FSTL5: variants seen among roughly 807,000 people sequenced by gnomAD.
The protein encoded by FSTL5 is follistatin like 5.
FSTL5 carries 62 observed loss-of-function variants against 89.1 expected under a neutral mutation model. The observed-to-expected ratio is 0.70, with a 90% CI of 0.57 to 0.86. The LOEUF (loss-of-function observed/expected upper bound fraction) is 0.86, where lower values mean the gene tolerates loss of function less well. Among genes scored for constraint, FSTL5 ranks in the 40% least tolerant of loss-of-function variants. The probability of loss-of-function intolerance (pLI) is 0.00; values close to 1 mark genes in which losing one functional copy is unlikely to be tolerated. For missense variants in FSTL5, 1,057 were observed against 1,001.6 expected, an observed-to-expected ratio of 1.06 and a Z score of -0.75; for synonymous variants, 383 against 346.2, an observed-to-expected ratio of 1.11 and a Z score of -1.18.
chr4:161,692,219 A>G lies in FSTL5; in HGVS notation c.728-35725T>C, dbSNP rs189476513. ...GTATGATGTTAACTGTGGGATTTTC[A>G]TAAATATTCTTTATCACATTAAGGA... On this transcript the variant is annotated intron_variant, in intron 6 of 15. Coordinates refer to ENST00000306100, the MANE Select transcript of FSTL5 (RefSeq NM_020116.5). 3.3e-3 allele frequency among the ~76,000 whole-genome samples: 498 copies of G among 152,182 alleles called. 5 individuals are homozygous for G. Among genetic ancestry groups the G allele is most frequent in the African/African-American group, 0.011 (456 of 41,558 alleles).
chr4:161,668,455 A>G (rs894057720), intron 6 of FSTL5, among the ~76,000 whole-genome samples: 3 of 152,226 alleles, frequency 2.0e-5, no homozygotes, highest in Admixed American at 2.0e-4. Flanking sequence ...GAGAAATTGT[A>G]TCAATCCCCT....
chr4:161,606,240 A>ATTTTTTTTTT (rs71598720), intron 7 of FSTL5, among the ~76,000 whole-genome samples: 2 of 117,868 alleles, frequency 1.7e-5, no homozygotes, highest in African/African-American at 3.3e-5. Context: ...ATTATCTGTG[A>ATTTTTTTTTT]TTTTTTTTTT....
At chr4:162,008,852 TTTAAA>T (rs1736683828) in intron 3 of FSTL5, among the ~76,000 whole-genome samples, 1 of 152,014 alleles carries the variant, frequency 6.6e-6, no homozygotes, top group Non-Finnish European at 1.5e-5. Flanking sequence ...TTTATGGTAT[TTTAAA>T]TTAAACAGGC....
At chr4:161,789,882 G>C (rs915491733) in intron 4 of FSTL5, among the ~76,000 whole-genome samples, 19 of 152,010 alleles carry the variant, frequency 1.2e-4, no homozygotes, top group African/African-American at 4.3e-4. Flanking sequence ...AAAATGAAAA[G>C]GTAATCCAGA....
chr4:161,833,749 T>A (rs1730931722), intron 4 of FSTL5, among the ~76,000 whole-genome samples: 1 of 151,934 alleles, frequency 6.6e-6, no homozygotes, highest in Non-Finnish European at 1.5e-5. Flanking sequence ...TCTTCCTCCA[T>A]CCTTTTATTT....
chr4:161,578,464 G>T (rs960640224), intron 8 of FSTL5, among the ~76,000 whole-genome samples: 3 of 151,912 alleles, frequency 2.0e-5, no homozygotes, highest in South Asian at 2.1e-4. Flanking sequence ...AAAAGGAAGA[G>T]AATTCAGTGA....
At chr4:161,696,183 C>A (rs757492263) in intron 6 of FSTL5, among the ~76,000 whole-genome samples, 1 of 152,142 alleles carries the variant, frequency 6.6e-6, no homozygotes, top group African/African-American at 2.4e-5. Context: ...TTGTGGCCTG[C>A]CAATTAACTC....
At chr4:161,475,128 G>A (rs899838991) in intron 13 of FSTL5, among the ~76,000 whole-genome samples, 1 of 150,986 alleles carries the variant, frequency 6.6e-6, no homozygotes, top group African/African-American at 2.4e-5. Context: ...ATCTTATTGA[G>A]GATACACAGT....
At chr4:161,629,344 G>C (rs6835445) in intron 7 of FSTL5, among the ~76,000 whole-genome samples, 7 of 151,854 alleles carry the variant, frequency 4.6e-5, no homozygotes, top group African/African-American at 1.7e-4. Flanking sequence ...TAGTAAATTA[G>C]ATAATTTTTT....
At chr4:161,979,811 T>C (rs1023078842) in intron 3 of FSTL5, among the ~76,000 whole-genome samples, 3 of 152,014 alleles carry the variant, frequency 2.0e-5, no homozygotes, top group Non-Finnish European at 4.4e-5. Flanking sequence ...TATATTTTGG[T>C]GGGGATTGGT....
chr4:162,132,883 T>C (rs751346908), intron 1 of FSTL5, among the ~76,000 whole-genome samples: 10 of 152,230 alleles, frequency 6.6e-5, no homozygotes, highest in Non-Finnish European at 1.3e-4. Context: ...TTTTTAGAAG[T>C]CGGACCTTTG....
At chr4:161,539,717 A>C (rs1158293852) in intron 9 of FSTL5, among the ~76,000 whole-genome samples, 1 of 152,152 alleles carries the variant, frequency 6.6e-6, no homozygotes, top group Non-Finnish European at 1.5e-5. Flanking sequence ...CAACAACAAC[A>C]AAAAAGAAAG....
Position 161,778,092 on chromosome 4 carries a change from T to TCACACACA in FSTL5, c.410-2026_410-2019dup, listed in dbSNP as rs71598736. 5.8e-3 allele frequency among the ~76,000 whole-genome samples: 860 copies of TCACACACA among 148,330 alleles called. 5 individuals are homozygous for TCACACACA. Among genetic ancestry groups the TCACACACA allele is most frequent in the African/African-American group, 0.019 (771 of 40,270 alleles). On this transcript the variant is annotated intron_variant, in intron 4 of 15. Transcript: ENST00000306100. ...CTGAATGACAGGGTGAGACTCCGTA[T>TCACACACA]CACACACACACACACACACACACAC...
intron 7 of FSTL5, among the ~76,000 whole-genome samples, chr4:161,606,468 G>A (rs2126630704): frequency 6.6e-6 from 1 of 151,908 alleles, no homozygotes; most frequent in African/African-American, 2.4e-5. Flanking sequence ...CTGACCTCGT[G>A]ATCCGCCCGC....
intron 10 of FSTL5, among the ~76,000 whole-genome samples, chr4:161,523,964 C>T (rs1313595572): frequency 6.6e-6 from 1 of 152,152 alleles, no homozygotes; most frequent in African/African-American, 2.4e-5. Context: ...GAATGGACTT[C>T]CTCCTAAGCC....
intron 4 of FSTL5, among the ~76,000 whole-genome samples, chr4:161,916,077 C>T (rs192740452): frequency 1.4e-4 from 22 of 151,974 alleles, no homozygotes; most frequent in Non-Finnish European, 3.1e-4. Flanking sequence ...ATACAAAAGT[C>T]TGTTCAGATT....
At chr4:161,455,775 G>T (rs1339066660) in intron 14 of FSTL5, among the ~76,000 whole-genome samples, 2 of 151,964 alleles carry the variant, frequency 1.3e-5, no homozygotes, top group African/African-American at 2.4e-5. Context: ...TCTTTCTTCA[G>T]ATCTGTTTAC....
chr4:161,516,410 A>T (rs1351817130), intron 10 of FSTL5, among the ~76,000 whole-genome samples: 1 of 140,416 alleles, frequency 7.1e-6, no homozygotes, highest in Non-Finnish European at 1.5e-5. Flanking sequence ...GTAAATATAT[A>T]TTTTTTTACA....
At chr4:161,474,434 A>T (rs573819616) in intron 13 of FSTL5, among the ~76,000 whole-genome samples, 62 of 152,320 alleles carry the variant, frequency 4.1e-4, no homozygotes, top group African/African-American at 1.4e-3. Flanking sequence ...AAGAAACAAA[A>T]AGTGTAGTTA....
Sources: allele counts gnomAD v4.1 joint callset (sites outside exome capture counted in the v4.1 genomes callset), GRCh38; gene constraint gnomAD v4.1.1; transcripts MANE v1.5; gene names NCBI Gene and HGNC (gene_info 2026-07-23, HGNC 2026-07-21).